Variants in HTRA1 observed in about 807,000 individuals in gnomAD.
The protein encoded by HTRA1 is HtrA serine peptidase 1, also known as serine protease HTRA1.
Under a neutral mutation model 49.7 loss-of-function variants are expected in HTRA1, and 26 were observed. That is an observed-to-expected ratio of 0.52 (90% CI 0.38 to 0.73). The LOEUF is 0.73. Ranked by LOEUF, HTRA1 falls within the 30% of genes least tolerant of loss-of-function variation. The pLI is 0.00. For synonymous variants in HTRA1, 291 were observed against 286.9 expected (o/e 1.01, Z -0.14); for missense variants, 561 against 667.2 (o/e 0.84, Z 1.75).
chr10:122,461,861 C>T lies in HTRA1; in HGVS notation c.209C>T (p.Ala70Val). Reference protein sequence around the residue: ...DACGCCEVCGAPEGAACGLQE... With the variant: ...DACGCCEVCGVPEGAACGLQE... ...TGCGGCTGCTGCGAGGTGTGCGGCG[C>T]GCCCGAGGGCGCCGCGTGCGGCCTG... is the stretch of plus-strand genomic sequence containing the variant. The change falls in exon 1 of 9, where the codon GCG becomes GTG. Residue 70 changes from alanine to valine, a missense_variant. This residue lies in a region of HTRA1 where 271 missense variants were observed against 410.0 expected (regional missense o/e 0.66). Coordinates refer to ENST00000368984, the MANE Select transcript of HTRA1 (RefSeq NM_002775.5). 1 of 1,200,512 alleles carries T rather than the reference C, an allele frequency of 8.3e-7. No individual in the cohort carries two copies. Among genetic ancestry groups the T allele is most frequent in the Non-Finnish European group, 1.0e-6 (1 of 971,424 alleles). 74.4% of individuals were successfully genotyped at this position (1,200,512 alleles called of 1,614,324 possible).
At chr10:122,503,895 A>T (rs1050278509) in intron 3 of HTRA1, among the ~76,000 whole-genome samples, 3 of 152,282 alleles carry the variant, frequency 2.0e-5, no homozygotes, top group Middle Eastern at 3.4e-3. Context: ...GGTGGTGCCC[A>T]TTGGTGCAGC....
intron 2 of HTRA1, 128 bp downstream of exon 2, chr10:122,489,129 T>C: frequency 1.3e-6 from 1 of 762,988 alleles, no homozygotes; most frequent in South Asian, 1.5e-5. Flanking sequence ...TTAAGATAAG[T>C]GTGTCTCCCT....
chr10:122,481,430 G>A (rs1653943096), intron 1 of HTRA1, among the ~76,000 whole-genome samples: 1 of 152,186 alleles, frequency 6.6e-6, no homozygotes, highest in Admixed American at 6.5e-5. Flanking sequence ...GCCCCAACCA[G>A]CTGCAGCTTC....
At chr10:122,505,512 A>C (rs2250812) in intron 3 of HTRA1, among the ~76,000 whole-genome samples, 42,783 of 151,818 alleles carry the variant, frequency 0.28, 6,817 homozygotes, top group Admixed American at 0.4. Context: ...GTCACCCAGA[A>C]TCTTGGACCC....
chr10:122,509,693 G>A (rs369185126), intron 6 of HTRA1, among the ~76,000 whole-genome samples: 8 of 152,218 alleles, frequency 5.3e-5, no homozygotes, highest in Admixed American at 4.6e-4. Flanking sequence ...GAGTCTGCTG[G>A]AGGGGTTGCT....
intron 3 of HTRA1, among the ~76,000 whole-genome samples, chr10:122,502,246 T>C (rs1324097310): frequency 6.6e-6 from 1 of 152,156 alleles, no homozygotes; most frequent in African/African-American, 2.4e-5. Flanking sequence ...ACTCACTGAA[T>C]GGTTGTTGAG....
chr10:122,473,584 AT>A (rs1348216424), intron 1 of HTRA1, among the ~76,000 whole-genome samples: 22 of 152,244 alleles, frequency 1.4e-4, no homozygotes, highest in Admixed American at 3.3e-4. Context: ...AAACAGCTTT[AT>A]TGAGAGATAA....
chr10:122,496,171 C>T (rs546845687), intron 3 of HTRA1, among the ~76,000 whole-genome samples: 8 of 137,468 alleles, frequency 5.8e-5, no homozygotes, highest in Middle Eastern at 4.1e-3. Flanking sequence ...GTGGCCGCGG[C>T]GAGCAGGAAG....
chr10:122,506,835 G>A lies in HTRA1; in HGVS notation c.922G>A (p.Gly308Arg), dbSNP rs2097503252. 4 of 1,613,798 alleles carry A rather than the reference G, an allele frequency of 2.5e-6. No homozygotes were observed. Among genetic ancestry groups the A allele is most frequent in the Non-Finnish European group, 3.4e-6 (4 of 1,180,012 alleles). ...STTQRGGKEL[G>R]LRNSDMDYIQ... ...CACCCAGCGAGGCGGCAAAGAGCTGGGGCTCCGCAACTCAGACATGGACTA... is the reference window on the plus strand; with the variant it reads ...CACCCAGCGAGGCGGCAAAGAGCTGAGGCTCCGCAACTCAGACATGGACTA... The change falls in exon 4 of 9, where the codon GGG becomes AGG. Residue 308 changes from glycine to arginine, a missense_variant. By Grantham distance (125) the Gly-to-Arg change is moderately radical. Transcript: ENST00000368984. This position sits in a 1 kb window ranked among gnomAD's most constrained non-coding sequence, Gnocchi z 5.2.
chr10:122,497,810 G>T (rs138532268), intron 3 of HTRA1, among the ~76,000 whole-genome samples: 68 of 152,292 alleles, frequency 4.5e-4, no homozygotes, highest in African/African-American at 1.5e-3. Flanking sequence ...TGGAGCATCT[G>T]CCATGGCCAC....
chr10:122,477,126 C>G (rs557525366), intron 1 of HTRA1, among the ~76,000 whole-genome samples: 1 of 152,100 alleles, frequency 6.6e-6, no homozygotes, highest in South Asian at 2.1e-4. Flanking sequence ...TGCCACCATG[C>G]CTGGCTAATT....
At chr10:122,488,843 TTCTC>T in intron 1 of HTRA1, 55 bp from the exon 2 acceptor site, 1 of 1,360,270 alleles carries the variant, frequency 7.4e-7, no homozygotes, top group Non-Finnish European at 1.1e-6. Context: ...ACCCATGTCT[TTCTC>T]TAGGTGGCCA....
At position 122,474,713 on chromosome 10, in the gene HTRA1, G is replaced by A. The variant is rs17103569; in HGVS notation, c.472+12589G>A. ...GAACCGAGCAGTCAGCTGTTTCCCC[G>A]AAGATAATAATAGACACATCATGTT... is the stretch of plus-strand genomic sequence containing the variant. On this transcript the variant is annotated intron_variant, in intron 1 of 8. Coordinates refer to ENST00000368984, the MANE Select transcript of HTRA1 (RefSeq NM_002775.5). Among the ~76,000 whole-genome samples the A allele has an allele frequency of 8.2e-3, 1,254 of 152,106 alleles. 57 individuals are homozygous for A. In the East Asian group the frequency reaches 0.14, roughly 17 times the overall value.
At chr10:122,474,732 T>A (rs951012830) in intron 1 of HTRA1, among the ~76,000 whole-genome samples, 1 of 151,810 alleles carries the variant, frequency 6.6e-6, no homozygotes, top group Admixed American at 6.6e-5. Context: ...AATAGACACA[T>A]CATGTTGGGC....
intron 1 of HTRA1, among the ~76,000 whole-genome samples, chr10:122,478,553 T>C (rs1375169063): frequency 6.6e-6 from 1 of 151,938 alleles, no homozygotes; most frequent in East Asian, 1.9e-4. Context: ...CCACCACGCC[T>C]GGCTAATTTT....
Position 122,461,620 on chromosome 10 carries a change from TCCG to T in HTRA1, c.-27_-25del. ...GCGCCGCTCTCCGGCCCTCGCCCTG[TCCG>T]CCGCCACCGCCGCCGCCGCCAGAGT... On this transcript the variant is annotated 5_prime_UTR_variant, in exon 1 of 9. Transcript: ENST00000368984. The T allele has an allele frequency of 1.6e-6, 2 of 1,262,186 alleles. No individual in the cohort carries two copies. The highest frequency in any genetic ancestry group is 2.1e-6 in the Non-Finnish European group (2 of 974,496). The allele number at this position is 1,262,186 out of a possible 1,614,324, so 78.2% of individuals were successfully genotyped here. A position where few individuals can be genotyped will look rare whatever the true frequency, so the allele number is the denominator to read the frequency against.
intron 1 of HTRA1, among the ~76,000 whole-genome samples, chr10:122,476,995 T>C (rs2097488794): frequency 6.9e-6 from 1 of 144,678 alleles, no homozygotes; most frequent in Non-Finnish European, 1.5e-5. Flanking sequence ...TGAGATGGAG[T>C]TTCACTTTGT....
rs533388673 is a variant in HTRA1 at position 122,476,904 on chromosome 10, G to C, written c.473-11998G>C. Reference sequence around the variant, plus strand: ...TTCCCGGTGTGTCTTCTCCTCCTGGGAGTCCCATCTGGATTTGGGTCTGGA... The same window carrying C: ...TTCCCGGTGTGTCTTCTCCTCCTGGCAGTCCCATCTGGATTTGGGTCTGGA... On this transcript the variant is annotated intron_variant, in intron 1 of 8. Coordinates refer to ENST00000368984, the MANE Select transcript of HTRA1 (RefSeq NM_002775.5). 9.5e-4 allele frequency among the ~76,000 whole-genome samples: 144 copies of C among 152,222 alleles called. 1 individual carries two copies. The highest frequency in any genetic ancestry group is 9.4e-4 in the Non-Finnish European group (64 of 68,000).
chr10:122,469,472 C>T (rs996772916), intron 1 of HTRA1, among the ~76,000 whole-genome samples: 16 of 152,196 alleles, frequency 1.1e-4, no homozygotes, highest in African/African-American at 2.7e-4. Context: ...CAATGTTCAG[C>T]GGTCACATCT....
Sources: allele counts gnomAD v4.1 joint callset (sites outside exome capture counted in the v4.1 genomes callset), GRCh38; gene constraint gnomAD v4.1.1; regional missense constraint gnomAD v4.1.1; non-coding constraint Gnocchi (gnomAD v3.1); transcripts MANE v1.5; gene names NCBI Gene and HGNC (gene_info 2026-07-23, HGNC 2026-07-21).